Variants in PRKCZ observed in about 807,000 individuals in gnomAD.
The protein encoded by PRKCZ is protein kinase C zeta type.
Under a neutral mutation model 79.5 loss-of-function variants are expected in PRKCZ, and 33 were observed. The ratio of observed to expected loss-of-function variants is 0.41; its 90% CI spans 0.31 to 0.55. The LOEUF is 0.55. Among genes scored for constraint, PRKCZ ranks in the 20% least tolerant of loss-of-function variants. The pLI is 0.19. For missense variants in PRKCZ, 578 were observed against 813.5 expected, an observed-to-expected ratio of 0.71 and a Z score of 3.52; for synonymous variants, 342 against 320.9, an observed-to-expected ratio of 1.07 and a Z score of -0.70.
intron 4 of PRKCZ, among the ~76,000 whole-genome samples, chr1:2,112,729 G>C (rs976268356): frequency 6.7e-6 from 1 of 149,976 alleles, no homozygotes; most frequent in Non-Finnish European, 1.5e-5. Flanking sequence ...TGCTCTTGTC[G>C]CCCAGGCTGG....
chr1:2,049,808 A>C (rs558192478), upstream of PRKCZ: 52 of 152,432 alleles, frequency 3.4e-4, 1 homozygote, highest in African/African-American at 1.2e-3. Flanking sequence ...AATGAAGGTC[A>C]TGGGCGACTC....
chr1:2,065,405 G>A (rs1486992771), intron 4 of PRKCZ, among the ~76,000 whole-genome samples: 4 of 152,080 alleles, frequency 2.6e-5, no homozygotes, highest in South Asian at 2.1e-4. Context: ...TCGGCCGGGC[G>A]CGGTGGCTCA....
rs572342331 is a variant in PRKCZ at position 2,076,047 on chromosome 1, G to A, written c.334+16456G>A. On this transcript the variant is annotated intron_variant, in intron 4 of 17. Transcript: ENST00000378567. Reference sequence around the variant, plus strand: ...GGTAGCCATCCTTTCTTGTGCTGGCGTGGAGCTTTTCCCAGGAGCTGGGCA... The same window carrying A: ...GGTAGCCATCCTTTCTTGTGCTGGCATGGAGCTTTTCCCAGGAGCTGGGCA... Among the ~76,000 whole-genome samples, 157 of 152,350 alleles carry A rather than the reference G, an allele frequency of 1.0e-3. 1 individual carries two copies. Among genetic ancestry groups the A allele is most frequent in the Middle Eastern group, 0.01 (3 of 294 alleles).
intron 11 of PRKCZ, among the ~76,000 whole-genome samples, chr1:2,170,784 G>A (rs895830085): frequency 2.0e-5 from 3 of 152,156 alleles, no homozygotes; most frequent in African/African-American, 4.8e-5. Context: ...TGAGCATAGC[G>A]TCCTCAAGAT....
In PRKCZ at chr1:2,178,145, G is replaced by A. The variant is rs939880961; in HGVS notation, c.1575+2832G>A. 2.6e-5 allele frequency among the ~76,000 whole-genome samples: 4 copies of A among 152,190 alleles called. No homozygotes were observed. Among genetic ancestry groups the A allele is most frequent in the African/African-American group, 7.2e-5 (3 of 41,438 alleles). On this transcript the variant is annotated intron_variant, in intron 16 of 17. Coordinates refer to ENST00000378567, the MANE Select transcript of PRKCZ (RefSeq NM_002744.6). The surrounding 1 kb of genome is among the most constrained non-coding windows in gnomAD (Gnocchi z 4.3). ...GTTCTGAGCAATCCCAGAGTTACAT[G>A]ACGTCATCGCGATCACTTTCATCAC...
intron 4 of PRKCZ, among the ~76,000 whole-genome samples, chr1:2,103,715 GAGAA>G (rs994868694): frequency 3.3e-5 from 5 of 152,362 alleles, no homozygotes; most frequent in African/African-American, 9.6e-5. Flanking sequence ...CTGGGCAACA[GAGAA>G]AGAGAGAGAG....
At chr1:2,175,132 C>T (rs1043061832) in intron 15 of PRKCZ, 92 bp from the exon 16 acceptor site, 10 of 1,099,818 alleles carry the variant, frequency 9.1e-6, no homozygotes, top group Middle Eastern at 2.0e-4. Flanking sequence ...CGGGGGAGGG[C>T]TTGTCAGCAC....
rs113065703 is a variant in PRKCZ, at chr1:2,181,893, T to C, written c.1576-2690T>C. The C allele has an allele frequency of 1.9e-3, 882 of 456,484 alleles. 9 individuals carry two copies. Among genetic ancestry groups the C allele is most frequent in the Middle Eastern group, 7.2e-3 (22 of 3,068 alleles). 28.3% of individuals were successfully genotyped at this position (456,484 alleles called of 1,614,324 possible). On this transcript the variant is annotated intron_variant, in intron 16 of 17. Coordinates refer to ENST00000378567, the MANE Select transcript of PRKCZ (RefSeq NM_002744.6). Reference sequence around the variant, plus strand: ...AAGGGGGCATCTTGTGTCCCCACAATCCTGCTGTGCGCACACCACAGGTGA... The same window carrying C: ...AAGGGGGCATCTTGTGTCCCCACAACCCTGCTGTGCGCACACCACAGGTGA...
intron 4 of PRKCZ, among the ~76,000 whole-genome samples, chr1:2,132,883 A>C (rs1675281513): frequency 6.6e-6 from 1 of 152,186 alleles, no homozygotes; most frequent in Non-Finnish European, 1.5e-5. Flanking sequence ...GGTGACTTAC[A>C]CACGACAGAA....
At chr1:2,074,047 C>A (rs182021540) in intron 4 of PRKCZ, 1 of 1,445,538 alleles carries the variant, frequency 6.9e-7, no homozygotes, top group South Asian at 1.4e-5. Flanking sequence ...GTCTGAGTCC[C>A]GGCGTTGCCG....
chr1:2,063,705 G>A (rs976168716), intron 4 of PRKCZ, among the ~76,000 whole-genome samples: 7 of 152,160 alleles, frequency 4.6e-5, no homozygotes, highest in Non-Finnish European at 7.3e-5. Context: ...CACTGTCTCC[G>A]CATCCTTTCC....
intron 10 of PRKCZ, 42 bp downstream of exon 10, chr1:2,156,134 G>A: frequency 6.5e-7 from 1 of 1,535,198 alleles, no homozygotes; most frequent in Non-Finnish European, 9.0e-7. Context: ...GCAGATTTCA[G>A]ATGTGAACTG....
rs924500510 is a variant in PRKCZ, at chr1:2,127,245, A to G, written c.335-8017A>G. ...TTTCCAAGTCGTCTTCTGTGACTTT[A>G]GTGTTATTCTTCAGTCACCTTTAAA... On this transcript the variant is annotated intron_variant, in intron 4 of 17. Coordinates refer to ENST00000378567, the MANE Select transcript of PRKCZ (RefSeq NM_002744.6). This position sits in a 1 kb window ranked among gnomAD's most constrained non-coding sequence, Gnocchi z 5.1. Among the ~76,000 whole-genome samples, 28 of 152,228 alleles carry G rather than the reference A, an allele frequency of 1.8e-4. No individual in the cohort carries two copies. The highest frequency in any genetic ancestry group is 6.3e-4 in the African/African-American group (26 of 41,462).
chr1:2,175,251 C>T lies in PRKCZ; in HGVS notation c.1513C>T (p.Pro505Ser). 6.2e-7 allele frequency: 1 copy of T among 1,613,788 alleles called. No homozygotes were observed. The highest frequency in any genetic ancestry group is 8.5e-7 in the Non-Finnish European group (1 of 1,179,934). Residue 505 changes from proline to serine, a missense_variant, in exon 16 of 18, where the codon CCA becomes TCA. Coordinates refer to ENST00000378567, the MANE Select transcript of PRKCZ (RefSeq NM_002744.6). The stretch of plus-strand genomic sequence containing the variant: ...CCCCAAAGAGAGGCTCGGCTGCCGG[C>T]CACAGACTGGATTTTCTGACATCAA... ...KDPKERLGCRPQTGFSDIKSH... is the reference protein window; with the variant it reads ...KDPKERLGCRSQTGFSDIKSH...
chr1:2,092,043 C>T (rs145163509), intron 4 of PRKCZ, among the ~76,000 whole-genome samples: 28 of 151,728 alleles, frequency 1.8e-4, no homozygotes, highest in African/African-American at 6.5e-4. Flanking sequence ...AGCCGGTGGA[C>T]GAATCTGTCC....
intron 16 of PRKCZ, chr1:2,183,646 G>C (rs1365346119): frequency 1.3e-5 from 2 of 153,034 alleles, no homozygotes; most frequent in African/African-American, 4.8e-5. Flanking sequence ...GGGTCATGGT[G>C]CCAGCAGGCT....
rs1166307358 is a variant in PRKCZ at position 2,178,773 on chromosome 1, C to T, written c.1575+3460C>T. ...GTGTCAGCTCCATGTGGGAGTGGGG[C>T]ACGTGTGAGGCCTTGGTCCCCACCT... On this transcript the variant is annotated intron_variant, in intron 16 of 17. Coordinates refer to ENST00000378567, the MANE Select transcript of PRKCZ (RefSeq NM_002744.6). The surrounding 1 kb of genome is among the most constrained non-coding windows in gnomAD (Gnocchi z 4.3). 6.6e-6 allele frequency among the ~76,000 whole-genome samples: 1 copy of T among 152,168 alleles called. No individual in the cohort carries two copies. The highest frequency in any genetic ancestry group is 1.5e-5 in the Non-Finnish European group (1 of 68,026).
At chr1:2,105,679 C>T (rs192215306) in intron 4 of PRKCZ, among the ~76,000 whole-genome samples, 167 of 152,276 alleles carry the variant, frequency 1.1e-3, no homozygotes, top group African/African-American at 3.9e-3. Context: ...GGATTACAGG[C>T]GTGAGCTGCC....
At position 2,094,974 on chromosome 1, in the gene PRKCZ, A is replaced by T. The variant is rs1170325515; in HGVS notation, c.334+35383A>T. On this transcript the variant is annotated intron_variant, in intron 4 of 17. Transcript: ENST00000378567. This position sits in a 1 kb window ranked among gnomAD's most constrained non-coding sequence, Gnocchi z 7.3. ...CTGCCCCCGCCGGCATGACACGGACACTGGTGCCCGAGTGATGCCTGTGGG... is the reference window on the plus strand; with the variant it reads ...CTGCCCCCGCCGGCATGACACGGACTCTGGTGCCCGAGTGATGCCTGTGGG... 6.6e-6 allele frequency among the ~76,000 whole-genome samples: 1 copy of T among 152,154 alleles called. No individual in the cohort carries two copies. The highest frequency in any genetic ancestry group is 1.9e-4 in the East Asian group (1 of 5,194).
Sources: allele counts gnomAD v4.1 joint callset (sites outside exome capture counted in the v4.1 genomes callset), GRCh38; gene constraint gnomAD v4.1.1; non-coding constraint Gnocchi (gnomAD v3.1); transcripts MANE v1.5; gene names NCBI Gene and HGNC (gene_info 2026-07-23, HGNC 2026-07-21).